The following WDR7 variants were observed in gnomAD, a reference collection of about 807,000 sequenced individuals.
WDR7 encodes WD repeat domain 7.
A neutral mutation model predicts 169.4 loss-of-function variants in WDR7; 46 were observed. The observed-to-expected ratio is 0.27, with a 90% CI of 0.21 to 0.35. The LOEUF is 0.35. Ranked by LOEUF, WDR7 falls within the 10% of genes least tolerant of loss-of-function variation. The pLI, the probability that WDR7 is intolerant of heterozygous loss-of-function variation, is 1.00. For missense variants in WDR7, 1,534 were observed against 1,859.3 expected (o/e 0.83, Z 3.22); for synonymous variants, 612 against 666.8 (o/e 0.92, Z 1.27).
intron 20 of WDR7, among the ~76,000 whole-genome samples, chr18:56,867,115 C>T (rs957086812): frequency 1.4e-4 from 21 of 152,130 alleles, no homozygotes; most frequent in Non-Finnish European, 2.9e-4. Context: ...ACCTCCGCCC[C>T]CTGGGCTCAA....
intron 19 of WDR7, among the ~76,000 whole-genome samples, chr18:56,788,608 T>C (rs2044438287): frequency 6.6e-6 from 1 of 152,102 alleles, no homozygotes; most frequent in African/African-American, 2.4e-5. Context: ...GCTGGACTAC[T>C]TTCCTATCTC....
intron 14 of WDR7, among the ~76,000 whole-genome samples, chr18:56,749,590 A>G (rs1171250716): frequency 5.9e-5 from 9 of 152,038 alleles, no homozygotes; most frequent in Admixed American, 1.3e-4. Flanking sequence ...AACAATAGGA[A>G]CCATTTGATA....
intron 14 of WDR7, among the ~76,000 whole-genome samples, chr18:56,747,555 G>A (rs2043724462): frequency 6.6e-6 from 1 of 152,190 alleles, no homozygotes; most frequent in African/African-American, 2.4e-5. Context: ...TGATGTGGGA[G>A]AAAAGTGCGT....
At chr18:56,806,656 A>G (rs1376752559) in intron 19 of WDR7, among the ~76,000 whole-genome samples, 5 of 152,068 alleles carry the variant, frequency 3.3e-5, no homozygotes, top group African/African-American at 1.2e-4. Context: ...TCTAAACACA[A>G]ATAAAATTAA....
At position 56,758,906 on chromosome 18, in the gene WDR7, G is replaced by T; in HGVS notation, c.2801G>T (p.Gly934Val). 1.9e-6 allele frequency: 3 copies of T among 1,613,094 alleles called. No individual in the cohort carries two copies. Among genetic ancestry groups the T allele is most frequent in the Non-Finnish European group, 2.5e-6 (3 of 1,179,472 alleles). ...ACCCCAGACCTTTCTAAGGCAAGGGGTTCCCCTCCAACTTCCAGTAATATT... is the reference window on the plus strand; with the variant it reads ...ACCCCAGACCTTTCTAAGGCAAGGGTTTCCCCTCCAACTTCCAGTAATATT... ...PSTPDLSKAR[G>V]SPPTSSNIVQ... The change falls in exon 16 of 28, where the codon GGT becomes GTT. Residue 934 changes from glycine to valine, a missense_variant. Gly to Val is a moderately radical substitution (Grantham distance 109). Coordinates refer to ENST00000254442, the MANE Select transcript of WDR7 (RefSeq NM_015285.3).
chr18:56,668,505 C>A (rs889352927), intron 1 of WDR7, among the ~76,000 whole-genome samples: 1 of 152,158 alleles, frequency 6.6e-6, no homozygotes, highest in Admixed American at 6.5e-5. Context: ...ATGTAAGCCC[C>A]ACTGGATAGC....
chr18:56,812,795 C>T (rs962743658), intron 19 of WDR7, among the ~76,000 whole-genome samples: 6 of 151,976 alleles, frequency 3.9e-5, no homozygotes, highest in Non-Finnish European at 8.8e-5. Context: ...AGCGAGGGCC[C>T]CCAGATAATT....
chr18:56,978,556 A>G (rs890492839), intron 26 of WDR7, among the ~76,000 whole-genome samples: 4 of 152,228 alleles, frequency 2.6e-5, no homozygotes, highest in African/African-American at 9.6e-5. Flanking sequence ...AAGCCCAGTC[A>G]AGGGAAAATA....
intron 1 of WDR7, among the ~76,000 whole-genome samples, chr18:56,654,818 T>C (rs768640675): frequency 8.5e-5 from 13 of 152,236 alleles, no homozygotes; most frequent in Non-Finnish European, 1.8e-4. Flanking sequence ...TTATTGGTCT[T>C]TAATACATGC....
chr18:56,700,784 T>C (rs2025816976), intron 12 of WDR7, among the ~76,000 whole-genome samples: 1 of 151,580 alleles, frequency 6.6e-6, no homozygotes, highest in Non-Finnish European at 1.5e-5. Flanking sequence ...TTAGCCAGGA[T>C]GGTCTCGATC....
In WDR7 at chr18:56,939,402, G is replaced by A; in HGVS notation, c.4064+9G>A. Reference sequence around the variant, plus strand: ...TTCCCAGCCATCTGCAGGTAAAGAAGCCTTCAAGAGCATGCAGAATAAATA... The same window carrying A: ...TTCCCAGCCATCTGCAGGTAAAGAAACCTTCAAGAGCATGCAGAATAAATA... On this transcript the variant is annotated intron_variant, in intron 25 of 27. Transcript: ENST00000254442. 6.5e-7 allele frequency: 1 copy of A among 1,539,180 alleles called. No homozygotes were observed. Among genetic ancestry groups the A allele is most frequent in the Non-Finnish European group, 8.7e-7 (1 of 1,143,168 alleles).
intron 7 of WDR7, among the ~76,000 whole-genome samples, chr18:56,687,755 T>G (rs2025472253): frequency 6.6e-6 from 1 of 152,094 alleles, no homozygotes; most frequent in Non-Finnish European, 1.5e-5. Context: ...GCCTCCTGAG[T>G]TGCTAGGACT....
At chr18:56,670,139 G>T (rs2025102177) in intron 1 of WDR7, among the ~76,000 whole-genome samples, 1 of 152,044 alleles carries the variant, frequency 6.6e-6, no homozygotes, top group Non-Finnish European at 1.5e-5. Context: ...CAGTTGCTTA[G>T]AACTAGGTTT....
chr18:56,863,734 T>G (rs2045842165), intron 20 of WDR7, among the ~76,000 whole-genome samples: 1 of 151,816 alleles, frequency 6.6e-6, no homozygotes, highest in South Asian at 2.1e-4. Flanking sequence ...TATTAATAGA[T>G]GACTTTTAGC....
intron 20 of WDR7, among the ~76,000 whole-genome samples, chr18:56,817,424 A>T (rs942308473): frequency 6.6e-6 from 1 of 152,044 alleles, no homozygotes; most frequent in Non-Finnish European, 1.5e-5. Flanking sequence ...CGTGATAGGT[A>T]GGTTACTGTT....
At chr18:56,766,716 G>C (rs1401462101) in intron 16 of WDR7, among the ~76,000 whole-genome samples, 1 of 152,012 alleles carries the variant, frequency 6.6e-6, no homozygotes, top group Non-Finnish European at 1.5e-5. Flanking sequence ...TTTAATCTCA[G>C]ACATTGTTAT....
intron 26 of WDR7, among the ~76,000 whole-genome samples, chr18:56,975,151 G>A (rs1430675618): frequency 6.6e-6 from 1 of 151,904 alleles, no homozygotes; most frequent in Non-Finnish European, 1.5e-5. Context: ...CAGGAGAATC[G>A]CTTGAACCTG....
chr18:56,746,552 C>G (rs1429072861), intron 14 of WDR7, among the ~76,000 whole-genome samples: 2 of 152,180 alleles, frequency 1.3e-5, no homozygotes, highest in African/African-American at 4.8e-5. Flanking sequence ...CTAACTCCTA[C>G]TCATCTCATG....
intron 2 of WDR7, among the ~76,000 whole-genome samples, chr18:56,678,509 T>G (rs1158201907): frequency 5.3e-5 from 8 of 150,554 alleles, no homozygotes; most frequent in Non-Finnish European, 1.2e-4. Flanking sequence ...GGTCTTTTTT[T>G]TTTTTGAGAC....
Sources: gnomAD v4.1 joint callset for allele counts (sites outside exome capture counted in the v4.1 genomes callset) on GRCh38, gnomAD v4.1.1 for gene constraint, MANE v1.5 for transcripts, NCBI Gene and HGNC (gene_info 2026-07-23, HGNC 2026-07-21) for gene names.